OR9Q1: variants seen among roughly 807,000 people sequenced by gnomAD.
OR9Q1 encodes the protein olfactory receptor 9Q1.
For missense variants in OR9Q1, 374 were observed against 378.8 expected (o/e 0.99, Z 0.11); for synonymous variants, 153 against 148.6 (o/e 1.03, Z -0.22).
At chr11:58,033,192 T>G (rs1159183711) in intron 1 of OR9Q1, among the ~76,000 whole-genome samples, 1 of 152,148 alleles carries the variant, frequency 6.6e-6, no homozygotes, top group Non-Finnish European at 1.5e-5. Flanking sequence ...GGAAAGCAGT[T>G]TGAAGATTTC....
intron 2 of OR9Q1, among the ~76,000 whole-genome samples, chr11:58,140,202 G>A (rs1469934372): frequency 1.3e-5 from 2 of 152,100 alleles, no homozygotes; most frequent in African/African-American, 4.8e-5. Context: ...TGTCAGTTGT[G>A]TAGATTGCAA....
chr11:58,121,064 C>CA (rs1854027730), intron 2 of OR9Q1, among the ~76,000 whole-genome samples: 1 of 151,936 alleles, frequency 6.6e-6, no homozygotes, highest in Non-Finnish European at 1.5e-5. Flanking sequence ...ATGCCATACA[C>CA]AAAAAGACTA....
chr11:58,117,816 G>A (rs1259303436), intron 2 of OR9Q1: 1 of 152,098 alleles, frequency 6.6e-6, no homozygotes, highest in Non-Finnish European at 1.5e-5. Flanking sequence ...TCATCTTGAA[G>A]ATACCAAAGT....
chr11:58,097,428 A>G (rs1853742641), intron 2 of OR9Q1, among the ~76,000 whole-genome samples: 3 of 152,228 alleles, frequency 2.0e-5, no homozygotes, highest in Admixed American at 2.0e-4. Context: ...ATACTTTCCA[A>G]TGTCATACAA....
rs760343718 is a variant in OR9Q1, at chr11:58,179,737, C to A, written c.293C>A (p.Ala98Asp). 2.0e-5 allele frequency: 32 copies of A among 1,614,088 alleles called. No individual in the cohort carries two copies. In the East Asian group the frequency reaches 5.6e-4, roughly 28 times the overall value. The stretch of plus-strand genomic sequence containing the variant: ...GCAGCTTTATCTTACACACGCTGTG[C>A]TGCTCAGTTCTTTCTGTTCACCTTC... ...HGAALSYTRC[A>D]AQFFLFTFFG... Residue 98 changes from alanine (A) to aspartate (D), a missense_variant, in exon 3 of 3, where the codon GCT becomes GAT. Physicochemically the swap from Ala to Asp is moderately radical, Grantham distance 126. Coordinates refer to ENST00000335397, the MANE Select transcript of OR9Q1 (RefSeq NM_001005212.4).
At chr11:58,168,036 A>C (rs757812448) in intron 2 of OR9Q1, among the ~76,000 whole-genome samples, 1 of 152,210 alleles carries the variant, frequency 6.6e-6, no homozygotes, top group Non-Finnish European at 1.5e-5. Context: ...ACGGCAACCA[A>C]ATAACATTGG....
intron 2 of OR9Q1, among the ~76,000 whole-genome samples, chr11:58,111,886 G>C (rs989598916): frequency 0.018 from 4 of 224 alleles, no homozygotes; most frequent in South Asian, 0.12. Flanking sequence ...GTCCTTTTTG[G>C]GGGGGGTGGG....
At chr11:58,041,768 G>A (rs906918586) in intron 1 of OR9Q1, 2 of 152,222 alleles carry the variant, frequency 1.3e-5, no homozygotes, top group Admixed American at 6.5e-5. Context: ...TACAACTTGT[G>A]ATGGCTTATC....
Position 58,108,815 on chromosome 11 carries a change from G to A in OR9Q1, c.-15+52868G>A, listed in dbSNP as rs117902890. The A allele has an allele frequency of 1.3e-3, 427 of 318,812 alleles. 1 individual carries two copies. The highest frequency in any genetic ancestry group is 2.0e-3 in the Non-Finnish European group (317 of 160,504). 19.7% of individuals were successfully genotyped at this position (318,812 alleles called of 1,614,324 possible). On this transcript the variant is annotated intron_variant, in intron 2 of 2. Coordinates refer to ENST00000335397, the MANE Select transcript of OR9Q1 (RefSeq NM_001005212.4). ...CTGTAGATCAAGGGGTTCAACATAG[G>A]GATGATTACAGTGTAAAAGACAGAC...
intron 2 of OR9Q1, among the ~76,000 whole-genome samples, chr11:58,079,565 A>T (rs143727939): frequency 1.2e-4 from 19 of 152,284 alleles, no homozygotes; most frequent in African/African-American, 4.6e-4. Flanking sequence ...GTATGGTCTC[A>T]TGACTTACTT....
At chr11:58,137,465 G>C (rs1425323483) in intron 2 of OR9Q1, among the ~76,000 whole-genome samples, 2 of 152,112 alleles carry the variant, frequency 1.3e-5, no homozygotes, top group African/African-American at 4.8e-5. Context: ...GGAGAACAGG[G>C]GCAGTGTTTC....
chr11:58,173,907 G>A lies in OR9Q1; in HGVS notation c.-14-5524G>A, dbSNP rs534870306. On this transcript the variant is annotated intron_variant, in intron 2 of 2. Coordinates refer to ENST00000335397, the MANE Select transcript of OR9Q1 (RefSeq NM_001005212.4). ...ATAATTCTGTAAACCAAGGGAAGCT[G>A]CACCTGGACCTGATGGAGATCATAA... Among the ~76,000 whole-genome samples the A allele has an allele frequency of 1.1e-4, 17 of 152,306 alleles. No homozygotes were observed. The East Asian group carries it at 3.1e-3, about 28-fold the overall frequency.
intron 2 of OR9Q1, among the ~76,000 whole-genome samples, chr11:58,103,061 G>A (rs1046276542): frequency 1.1e-4 from 16 of 152,028 alleles, no homozygotes; most frequent in African/African-American, 3.9e-4. Flanking sequence ...CCATTCTCAC[G>A]TTGCTATAAG....
At chr11:58,037,152 C>T (rs1350307441) in intron 1 of OR9Q1, among the ~76,000 whole-genome samples, 1 of 152,196 alleles carries the variant, frequency 6.6e-6, no homozygotes, top group Non-Finnish European at 1.5e-5. Flanking sequence ...AGGCAAGTCC[C>T]TCTATAAGCA....
intron 2 of OR9Q1, among the ~76,000 whole-genome samples, chr11:58,138,178 C>T (rs997615649): frequency 8.5e-5 from 13 of 152,176 alleles, no homozygotes; most frequent in Non-Finnish European, 1.6e-4. Flanking sequence ...GCTTCCTCCT[C>T]CTTTCCCAGA....
At chr11:58,078,016 G>A (rs1342006030) in intron 2 of OR9Q1, among the ~76,000 whole-genome samples, 6 of 152,130 alleles carry the variant, frequency 3.9e-5, no homozygotes, top group African/African-American at 1.4e-4. Context: ...AATTAGCCAG[G>A]CATGGTGGTG....
intron 2 of OR9Q1, chr11:58,118,885 AG>A (rs1853990912): frequency 6.2e-7 from 1 of 1,613,898 alleles, no homozygotes; most frequent in Non-Finnish European, 8.5e-7. Context: ...ACTGCAGGCA[AG>A]CTTCAGCAGG....
intron 2 of OR9Q1, among the ~76,000 whole-genome samples, chr11:58,083,042 C>T (rs1271937378): frequency 6.7e-6 from 1 of 150,002 alleles, no homozygotes; most frequent in Non-Finnish European, 1.5e-5. Flanking sequence ...TCTATTTTGG[C>T]TTTTGTTGCC....
chr11:58,146,679 TTGGTG>T (rs1854302216), intron 2 of OR9Q1, among the ~76,000 whole-genome samples: 1 of 152,076 alleles, frequency 6.6e-6, no homozygotes, highest in Non-Finnish European at 1.5e-5. Flanking sequence ...CCAGCCTAAT[TTGGTG>T]TGGTCAGAAA....
Sources: allele counts gnomAD v4.1 joint callset (sites outside exome capture counted in the v4.1 genomes callset), GRCh38; gene constraint gnomAD v4.1.1; transcripts MANE v1.5; gene names NCBI Gene and HGNC (gene_info 2026-07-23, HGNC 2026-07-21).